The following GALNTL6 variants were observed in gnomAD, a reference collection of about 807,000 sequenced individuals.
GALNTL6 encodes polypeptide N-acetylgalactosaminyltransferase like 6, also known as polypeptide N-acetylgalactosaminyltransferase-like 6.
Under a neutral mutation model 73.7 loss-of-function variants are expected in GALNTL6, and 46 were observed. The observed-to-expected ratio is 0.62, with a 90% confidence interval of 0.49 to 0.80. The LOEUF (loss-of-function observed/expected upper bound fraction) is 0.80, where lower values mean the gene tolerates loss of function less well. Among genes scored for constraint, GALNTL6 ranks in the 30% least tolerant of loss-of-function variants. The pLI, the probability that GALNTL6 is intolerant of heterozygous loss-of-function variation, is 0.00. For synonymous variants in GALNTL6, 259 were observed against 263.7 expected, an observed-to-expected ratio of 0.98 and a Z score of 0.17; for missense variants, 604 against 755.0, an observed-to-expected ratio of 0.80 and a Z score of 2.34.
chr4:172,144,812 T>C (rs766247588), intron 2 of GALNTL6, among the ~76,000 whole-genome samples: 1 of 152,342 alleles, frequency 6.6e-6, no homozygotes, highest in South Asian at 2.1e-4. Context: ...TGCAAATGCA[T>C]ACATGCTTAT....
intron 2 of GALNTL6, among the ~76,000 whole-genome samples, chr4:171,912,323 C>T (rs1344689918): frequency 6.6e-6 from 1 of 151,994 alleles, no homozygotes; most frequent in African/African-American, 2.4e-5. Context: ...TTTGCCATTT[C>T]TTTTAATTTG....
chr4:172,835,692 G>T (rs777514427), intron 7 of GALNTL6, among the ~76,000 whole-genome samples: 1 of 152,126 alleles, frequency 6.6e-6, no homozygotes, highest in Admixed American at 6.5e-5. Context: ...AATGCACTCC[G>T]ATTGGTCAGG....
intron 5 of GALNTL6, among the ~76,000 whole-genome samples, chr4:172,706,223 T>A (rs918896871): frequency 7.9e-5 from 12 of 151,988 alleles, no homozygotes; most frequent in African/African-American, 2.9e-4. Context: ...TTCTTCTGCT[T>A]GATTCAGTCT....
intron 5 of GALNTL6, among the ~76,000 whole-genome samples, chr4:172,470,940 G>A (rs188300003): frequency 1.3e-5 from 2 of 152,230 alleles, no homozygotes; most frequent in African/African-American, 2.4e-5. Flanking sequence ...CCAGGTTTGC[G>A]TATTTCACCC....
chr4:172,360,907 A>C (rs1009631090), intron 5 of GALNTL6, among the ~76,000 whole-genome samples: 1 of 152,224 alleles, frequency 6.6e-6, no homozygotes, highest in Non-Finnish European at 1.5e-5. Context: ...TTTGAAGGCC[A>C]GAAGCAATTG....
intron 2 of GALNTL6, among the ~76,000 whole-genome samples, chr4:172,018,452 TGC>T (rs1741279362): frequency 1.3e-5 from 2 of 152,148 alleles, no homozygotes; most frequent in African/African-American, 4.8e-5. Flanking sequence ...GGAGTATGGC[TGC>T]CTCTGCTGTG....
At chr4:172,143,643 T>C (rs1278027448) in intron 2 of GALNTL6, among the ~76,000 whole-genome samples, 1 of 152,150 alleles carries the variant, frequency 6.6e-6, no homozygotes, top group Non-Finnish European at 1.5e-5. Flanking sequence ...CTTCCCCAAA[T>C]TTAAAATTTA....
At chr4:172,672,240 A>C (rs1732028848) in intron 5 of GALNTL6, among the ~76,000 whole-genome samples, 1 of 152,196 alleles carries the variant, frequency 6.6e-6, no homozygotes, top group Admixed American at 6.5e-5. Flanking sequence ...AATTTTATCA[A>C]AAGAATTTCT....
chr4:172,297,942 C>T (rs1377224791), intron 3 of GALNTL6, among the ~76,000 whole-genome samples: 1 of 151,930 alleles, frequency 6.6e-6, no homozygotes, highest in African/African-American at 2.4e-5. Context: ...TTACCTTGGG[C>T]AGTATGGCCA....
At chr4:172,280,774 A>G (rs1739016892) in intron 3 of GALNTL6, among the ~76,000 whole-genome samples, 1 of 152,138 alleles carries the variant, frequency 6.6e-6, no homozygotes, top group Non-Finnish European at 1.5e-5. Context: ...AAAACTATGT[A>G]ATAATATTCA....
At chr4:172,785,545 TA>T (rs142074340) in intron 5 of GALNTL6, among the ~76,000 whole-genome samples, 2,768 of 152,076 alleles carry the variant, frequency 0.018, 46 homozygotes, top group Middle Eastern at 0.054. Flanking sequence ...AGTTATAGCA[TA>T]AAAAAAGTCC....
At chr4:171,987,452 T>C (rs766109816) in intron 2 of GALNTL6, among the ~76,000 whole-genome samples, 40 of 152,258 alleles carry the variant, frequency 2.6e-4, no homozygotes, top group Non-Finnish European at 5.0e-4. Flanking sequence ...TCAGACGCTG[T>C]AGGAAAGGCC....
At chr4:172,437,086 C>A (rs1262363258) in intron 5 of GALNTL6, among the ~76,000 whole-genome samples, 1 of 152,070 alleles carries the variant, frequency 6.6e-6, no homozygotes, top group Non-Finnish European at 1.5e-5. Context: ...TTCAGTCCAC[C>A]CAACTACTTC....
At chr4:172,386,480 T>C (rs948508929) in intron 5 of GALNTL6, among the ~76,000 whole-genome samples, 1 of 151,970 alleles carries the variant, frequency 6.6e-6, no homozygotes, top group Non-Finnish European at 1.5e-5. Flanking sequence ...ACAGAACTAA[T>C]AAGAGAGGGA....
At chr4:172,622,453 T>A (rs1738999979) in intron 5 of GALNTL6, among the ~76,000 whole-genome samples, 1 of 152,190 alleles carries the variant, frequency 6.6e-6, no homozygotes, top group Non-Finnish European at 1.5e-5. Flanking sequence ...TTCAGATTTC[T>A]CAACAGCATT....
At chr4:172,192,194 CTT>C (rs1332187538) in intron 2 of GALNTL6, among the ~76,000 whole-genome samples, 2 of 151,750 alleles carry the variant, frequency 1.3e-5, no homozygotes, top group East Asian at 1.9e-4. Flanking sequence ...ATTTTATAAA[CTT>C]ATAATTCCTC....
chr4:172,182,221 C>T (rs1735270547), intron 2 of GALNTL6, among the ~76,000 whole-genome samples: 1 of 152,168 alleles, frequency 6.6e-6, no homozygotes, highest in Non-Finnish European at 1.5e-5. Context: ...AAGACCTCTT[C>T]ATGGAGAACT....
chr4:171,955,247 T>A lies in GALNTL6; in HGVS notation c.138+140529T>A, dbSNP rs577139569. ...TACAAAAGAAACTTTCTTTGGTCTC[T>A]AATTCCACCACCGAAGTACAATACT... On this transcript the variant is annotated intron_variant, in intron 2 of 12. Coordinates refer to ENST00000506823, the MANE Select transcript of GALNTL6 (RefSeq NM_001034845.3). 2.0e-5 allele frequency among the ~76,000 whole-genome samples: 3 copies of A among 152,286 alleles called. No homozygotes were observed. The South Asian group carries it at 6.2e-4, about 32-fold the overall frequency.
At chr4:173,007,466 T>C (rs973610057) in intron 10 of GALNTL6, among the ~76,000 whole-genome samples, 1 of 152,218 alleles carries the variant, frequency 6.6e-6, no homozygotes, top group East Asian at 1.9e-4. Flanking sequence ...CTACAGGCTG[T>C]GCTTCTGACA....
Sources: gnomAD v4.1 joint callset for allele counts (sites outside exome capture counted in the v4.1 genomes callset) on GRCh38, gnomAD v4.1.1 for gene constraint, MANE v1.5 for transcripts, NCBI Gene and HGNC (gene_info 2026-07-23, HGNC 2026-07-21) for gene names.